The following RP1L1 variants were observed in gnomAD, a reference collection of about 807,000 sequenced individuals.
The protein encoded by RP1L1 is retinitis pigmentosa 1-like 1 protein.
In RP1L1, 27 loss-of-function variants were observed where a neutral mutation model predicts 15.7. The ratio of observed to expected loss-of-function variants is 1.72; its 90% CI spans 1.27 to 2.38. The LOEUF is 2.38. RP1L1 is among the 30% of genes most tolerant of loss of function. RP1L1 has a pLI of 0.00. For synonymous variants in RP1L1, 1,813 were observed against 1,276.7 expected (o/e 1.42, Z -8.96); for missense variants, 4,798 against 3,075.9 (o/e 1.56, Z -13.24).
chr8:10,611,509 G>A lies in RP1L1; in HGVS notation c.2589C>T (p.Pro863=). 1 of 1,578,426 alleles carries A rather than the reference G, an allele frequency of 6.3e-7. No individual in the cohort carries two copies. ...TCCCACAGCTGGAAGAGCGCCTCTGGGGGCAGGGCCGCCCCCTGGGCGGGG... is the reference window on the plus strand; with the variant it reads ...TCCCACAGCTGGAAGAGCGCCTCTGAGGGCAGGGCCGCCCCCTGGGCGGGG... ...CPTPPRGRPC[P]QRRSSSCGST... Residue 863 remains proline, a synonymous_variant, in exon 4 of 4, where the codon CCC becomes CCT. Coordinates refer to ENST00000382483, the MANE Select transcript of RP1L1 (RefSeq NM_178857.6).
intron 1 of RP1L1, among the ~76,000 whole-genome samples, chr8:10,636,799 G>A (rs1002608905): frequency 6.6e-6 from 1 of 152,224 alleles, no homozygotes; most frequent in Non-Finnish European, 1.5e-5. Flanking sequence ...CCCAGCAGCA[G>A]ATCAGAACCG....
chr8:10,643,690 C>G (rs181128509), intron 1 of RP1L1, among the ~76,000 whole-genome samples: 2 of 152,166 alleles, frequency 1.3e-5, no homozygotes, highest in Admixed American at 1.3e-4. Flanking sequence ...AAAGCCAATC[C>G]ATGCACCAGG....
In RP1L1 at chr8:10,616,767, G is replaced by A. The variant is rs558517728; in HGVS notation, c.610-180C>T. Among the ~76,000 whole-genome samples the A allele has an allele frequency of 3.9e-5, 6 of 152,230 alleles. 1 individual carries two copies. In the East Asian group the frequency reaches 1.2e-3, roughly 29 times the overall value. On this transcript the variant is annotated intron_variant, in intron 2 of 3. Transcript: ENST00000382483. ...CCCATAACACCTCTATCACTAGCTG[G>A]AGGCTGAGGTCCCACCACCACGATC...
chr8:10,644,536 G>A (rs767462864), intron 1 of RP1L1, among the ~76,000 whole-genome samples: 25 of 152,338 alleles, frequency 1.6e-4, no homozygotes, highest in Admixed American at 2.6e-4. Flanking sequence ...ACAAGGTGAC[G>A]CTGGACAGAG....
In RP1L1 at chr8:10,607,810, T is replaced by G. The variant is rs754027234; in HGVS notation, c.6288A>C (p.Pro2096=). Residue 2096 remains proline, a synonymous_variant, in exon 4 of 4, where the codon CCA becomes CCC. Transcript: ENST00000382483. ...DAQEAEGEAQ[P]ESEGVEAPEA... ...CTGGGGCCTCTACACCTTCTGATTC[T>G]GGCTGGGCCTCCCCTTCTGCCTCCT... 1 of 1,593,236 alleles carries G rather than the reference T, an allele frequency of 6.3e-7. No individual in the cohort carries two copies. The highest frequency in any genetic ancestry group is 1.1e-5 in the South Asian group (1 of 90,188).
In RP1L1 at chr8:10,611,460, T is replaced by C; in HGVS notation, c.2638A>G (p.Thr880Ala). 6 of 1,570,540 alleles carry C rather than the reference T, an allele frequency of 3.8e-6. No homozygotes were observed. The highest frequency in any genetic ancestry group is 5.2e-6 in the Non-Finnish European group (6 of 1,160,180). The change falls in exon 4 of 4, where the codon ACT (threonine) becomes GCT (alanine). Residue 880 changes from threonine (T) to alanine (A), a missense_variant. Transcript: ENST00000382483. Reference protein sequence around the residue: ...CGSTGSSHQSTARGPGGSPQE... With the variant: ...CGSTGSSHQSAARGPGGSPQE... The stretch of plus-strand genomic sequence containing the variant: ...GGGCTCCCACCTGGCCCCCGGGCAG[T>C]GCTTTGGTGGCTGCTGCCGGTGCTC...
At position 10,606,774 on chromosome 8, in the gene RP1L1, T is replaced by C. The variant is rs773233721; in HGVS notation, c.*121A>G. 1 of 1,529,258 alleles carries C rather than the reference T, an allele frequency of 6.5e-7. No individual in the cohort carries two copies. Among genetic ancestry groups the C allele is most frequent in the Admixed American group, 1.9e-5 (1 of 51,348 alleles). The allele number at this position is 1,529,258 out of a possible 1,614,324, so 94.7% of individuals were successfully genotyped here. A position where few individuals can be genotyped will look rare whatever the true frequency, so the allele number is the denominator to read the frequency against. On this transcript the variant is annotated 3_prime_UTR_variant, in exon 4 of 4. Transcript: ENST00000382483. ...CATGGGCTGTGTCCTTGGCAAGTCC[T>C]TGGTCTTTGTCCATGTACTATGGAC...
chr8:10,648,374 G>C (rs543417747), intron 1 of RP1L1, among the ~76,000 whole-genome samples: 20 of 151,896 alleles, frequency 1.3e-4, no homozygotes, highest in Non-Finnish European at 2.6e-4. Flanking sequence ...TTTTTTAATA[G>C]TACCTATTCT....
Position 10,612,007 on chromosome 8 carries a change from C to A in RP1L1, c.2091G>T (p.Gln697His). 5 of 1,613,862 alleles carry A rather than the reference C, an allele frequency of 3.1e-6. No individual in the cohort carries two copies. Among genetic ancestry groups the A allele is most frequent in the Non-Finnish European group, 4.2e-6 (5 of 1,180,018 alleles). The change falls in exon 4 of 4, where the codon CAG (glutamine) becomes CAT (histidine). Residue 697 changes from glutamine to histidine, a missense_variant. Coordinates refer to ENST00000382483, the MANE Select transcript of RP1L1 (RefSeq NM_178857.6). The stretch of plus-strand genomic sequence containing the variant: ...CAGAATATCGTGGCACTGAGCCATC[C>A]TGGCAGGCCCTTCGCCGCTCAGGAG... ...PRPPERRRAC[Q>H]DGSVPRYSGS...
chr8:10,634,557 G>A (rs969672973), intron 1 of RP1L1, among the ~76,000 whole-genome samples: 3 of 152,186 alleles, frequency 2.0e-5, no homozygotes, highest in African/African-American at 4.8e-5. Context: ...ATTTCCATCC[G>A]GGGACCACCC....
intron 2 of RP1L1, among the ~76,000 whole-genome samples, chr8:10,618,220 C>G (rs539599960): frequency 5.8e-4 from 89 of 152,328 alleles, no homozygotes; most frequent in African/African-American, 2.1e-3. Flanking sequence ...CAGCTACCAG[C>G]CAGATGCAGT....
At chr8:10,618,751 T>A (rs1489390411) in intron 2 of RP1L1, among the ~76,000 whole-genome samples, 4 of 152,202 alleles carry the variant, frequency 2.6e-5, no homozygotes, top group Non-Finnish European at 5.9e-5. Context: ...CTTGTGAGTT[T>A]GTGTAGTGAA....
chr8:10,646,890 C>G (rs912102245), intron 1 of RP1L1, among the ~76,000 whole-genome samples: 1 of 152,260 alleles, frequency 6.6e-6, no homozygotes, highest in Non-Finnish European at 1.5e-5. Context: ...GTCCCCAGCT[C>G]TTAGGCACTT....
At chr8:10,631,423 ACATG>A (rs773326616) in intron 1 of RP1L1, among the ~76,000 whole-genome samples, 1,868 of 149,546 alleles carry the variant, frequency 0.012, 23 homozygotes, top group Non-Finnish European at 0.019. Flanking sequence ...ACGCACACAC[ACATG>A]CGCGCACACA....
intron 1 of RP1L1, among the ~76,000 whole-genome samples, chr8:10,640,334 T>G (rs969878737): frequency 3.3e-5 from 5 of 152,194 alleles, no homozygotes; most frequent in African/African-American, 1.2e-4. Flanking sequence ...CAAGATTATT[T>G]TATATGCTGA....
At chr8:10,630,112 G>C (rs887623661) in intron 1 of RP1L1, among the ~76,000 whole-genome samples, 3 of 152,174 alleles carry the variant, frequency 2.0e-5, no homozygotes, top group Non-Finnish European at 4.4e-5. Flanking sequence ...GGCTTAGCTG[G>C]GCAAAGGCCC....
chr8:10,642,301 T>G (rs1337577257), intron 1 of RP1L1, among the ~76,000 whole-genome samples: 2 of 152,218 alleles, frequency 1.3e-5, no homozygotes, highest in Admixed American at 6.5e-5. Flanking sequence ...CTGCAATAGA[T>G]GCAGTTAATA....
At chr8:10,648,823 T>C (rs4841406) in intron 1 of RP1L1, among the ~76,000 whole-genome samples, 22,098 of 152,268 alleles carry the variant, frequency 0.15, 1,884 homozygotes, top group Middle Eastern at 0.24. Flanking sequence ...TCAGACATAA[T>C]GTTCCCCGTT....
chr8:10,610,812 G>A lies in RP1L1; in HGVS notation c.3286C>T (p.Arg1096Trp), dbSNP rs375119596. Residue 1096 changes from arginine to tryptophan, a missense_variant, in exon 4 of 4, where the codon CGG (arginine) becomes TGG (tryptophan). Arg to Trp is a moderately radical substitution (Grantham distance 101, BLOSUM62 -3). Transcript: ENST00000382483. ...MRALMGSKQGRPSSVPEVSRP... is the reference protein window; with the variant it reads ...MRALMGSKQGWPSSVPEVSRP... ...GACACTTCGGGCACGCTGCTGGGCCGGCCCTGCTTGGAGCCCATCAGCGCC... is the reference window on the plus strand; with the variant it reads ...GACACTTCGGGCACGCTGCTGGGCCAGCCCTGCTTGGAGCCCATCAGCGCC... The A allele has an allele frequency of 1.1e-4, 182 of 1,608,638 alleles. No individual in the cohort carries two copies. The highest frequency in any genetic ancestry group is 1.5e-4 in the Non-Finnish European group (173 of 1,176,854).
Sources: allele counts gnomAD v4.1 joint callset (sites outside exome capture counted in the v4.1 genomes callset), GRCh38; gene constraint gnomAD v4.1.1; transcripts MANE v1.5; gene names NCBI Gene and HGNC (gene_info 2026-07-23, HGNC 2026-07-21).